Variants in SPATA1 observed in about 807,000 individuals in gnomAD.
SPATA1 encodes the protein spermatogenesis associated 1, also known as spermatogenesis-associated protein 1.
A neutral mutation model predicts 59.6 loss-of-function variants in SPATA1; 57 were observed. The ratio of observed to expected loss-of-function variants is 0.96; its 90% CI spans 0.77 to 1.19. SPATA1 has a LOEUF of 1.19. Among genes scored for constraint, SPATA1 ranks in the 50% most tolerant of loss-of-function variants. The probability of loss-of-function intolerance (pLI) is 0.00; values close to 1 mark genes in which losing one functional copy is unlikely to be tolerated. For missense variants in SPATA1, 448 were observed against 480.7 expected (o/e 0.93, Z 0.64); for synonymous variants, 147 against 163.9 (o/e 0.90, Z 0.79).
chr1:84,523,879 C>T (rs557342612), intron 4 of SPATA1, among the ~76,000 whole-genome samples: 5 of 152,032 alleles, frequency 3.3e-5, no homozygotes, highest in African/African-American at 1.2e-4. Context: ...TTGGAAGGGA[C>T]TTTCTAAGTA....
chr1:84,544,621 C>T (rs760542962), intron 9 of SPATA1, among the ~76,000 whole-genome samples: 2 of 151,852 alleles, frequency 1.3e-5, no homozygotes, highest in African/African-American at 2.4e-5. Context: ...AGTGCAGTGG[C>T]GTGATCTCAG....
intron 8 of SPATA1, among the ~76,000 whole-genome samples, chr1:84,535,101 T>G (rs1363356000): frequency 6.6e-6 from 1 of 152,166 alleles, no homozygotes; most frequent in Non-Finnish European, 1.5e-5. Context: ...TCCTACACCA[T>G]TTGTTAAGAC....
At chr1:84,533,629 A>G (rs1454775741) in intron 7 of SPATA1, 80 bp from the exon 8 acceptor site, 1 of 1,161,480 alleles carries the variant, frequency 8.6e-7, no homozygotes, top group South Asian at 1.4e-5. Flanking sequence ...CAGAGCATCA[A>G]ATAAAATACA....
At chr1:84,558,445 A>G (rs558536479), downstream of SPATA1, among the ~76,000 whole-genome samples, 212 of 151,076 alleles carry the variant, frequency 1.4e-3, 3 homozygotes, top group East Asian at 0.02. Flanking sequence ...GCCCGCCACT[A>G]CGCCCGGCTA....
chr1:84,508,293 A>T (rs1310462257), intron 1 of SPATA1, among the ~76,000 whole-genome samples: 1 of 152,028 alleles, frequency 6.6e-6, no homozygotes, highest in Non-Finnish European at 1.5e-5. Context: ...AAAAAAAAAA[A>T]AACAAAACCA....
chr1:84,509,390 C>G (rs1210243904), intron 1 of SPATA1, among the ~76,000 whole-genome samples: 1 of 152,232 alleles, frequency 6.6e-6, no homozygotes, highest in Non-Finnish European at 1.5e-5. Flanking sequence ...AGCTAGATGT[C>G]TCTCTCCTCG....
intron 1 of SPATA1, among the ~76,000 whole-genome samples, chr1:84,513,842 A>ATT (rs60377217): frequency 0.027 from 3,432 of 124,936 alleles, 156 homozygotes; most frequent in African/African-American, 0.048. Flanking sequence ...TCTATATTCT[A>ATT]TTTTTTTTTT....
At chr1:84,519,085 G>T (rs1266172389) in intron 2 of SPATA1, among the ~76,000 whole-genome samples, 7 of 151,796 alleles carry the variant, frequency 4.6e-5, no homozygotes, top group African/African-American at 1.2e-4. Flanking sequence ...AATTTAAGGG[G>T]CTACCAAAAA....
exon 13 of SPATA1, chr1:84,553,696 CTG>C (rs1297295300): frequency 6.6e-6 from 1 of 152,074 alleles, no homozygotes; most frequent in Non-Finnish European, 1.5e-5. Flanking sequence ...GGTTTTTACT[CTG>C]TCACAAACAA....
At chr1:84,507,855 GAA>G (rs34765124) in intron 1 of SPATA1, among the ~76,000 whole-genome samples, 9 of 149,740 alleles carry the variant, frequency 6.0e-5, no homozygotes, top group Admixed American at 5.3e-4. Flanking sequence ...AACAGTTTCA[GAA>G]AAAAAAAAAA....
At chr1:84,518,194 C>T (rs140750463) in intron 2 of SPATA1, among the ~76,000 whole-genome samples, 85 of 152,224 alleles carry the variant, frequency 5.6e-4, no homozygotes, top group Non-Finnish European at 9.3e-4. Flanking sequence ...GGTTTGGGAA[C>T]TCTTCAAGAT....
chr1:84,558,724 G>A (rs1162206136), downstream of SPATA1, among the ~76,000 whole-genome samples: 2 of 151,554 alleles, frequency 1.3e-5, no homozygotes, highest in Non-Finnish European at 2.9e-5. Context: ...AATATAGAAA[G>A]ACCCCGTCTC....
chr1:84,520,663 A>G, exon 3 of SPATA1: 1 of 1,571,844 alleles, frequency 6.4e-7, no homozygotes, highest in Non-Finnish European at 8.6e-7. Context: ...AGAAGTTGTT[A>G]ACAAATTCAT....
In SPATA1 at chr1:84,546,902, G is replaced by A. The variant is rs1437437475; in HGVS notation, c.946+1143G>A. On this transcript the variant is annotated intron_variant, in intron 10 of 12. Coordinates refer to ENST00000490879, the Ensembl canonical transcript of SPATA1. ...ACAGTGTTGTTAGGACTGGTGGACTGATGAGGCAGGATGAAGACAGTACAT... is the reference window on the plus strand; with the variant it reads ...ACAGTGTTGTTAGGACTGGTGGACTAATGAGGCAGGATGAAGACAGTACAT... Among the ~76,000 whole-genome samples the A allele has an allele frequency of 2.0e-5, 3 of 152,200 alleles. No homozygotes were observed. In the East Asian group the frequency reaches 5.8e-4, roughly 29 times the overall value.
At chr1:84,552,662 GTTTT>G (rs746536674) in intron 12 of SPATA1, 1 of 163,000 alleles carries the variant, frequency 6.1e-6, no homozygotes, top group Non-Finnish European at 1.3e-5. Flanking sequence ...GGAATTAAGG[GTTTT>G]TTTTGTATTT....
exon 13 of SPATA1, chr1:84,553,718 T>A (rs540819156): frequency 1.3e-5 from 2 of 152,148 alleles, no homozygotes; most frequent in African/African-American, 4.8e-5. Flanking sequence ...ATTGTGTAAA[T>A]AGGAAATGTA....
intron 4 of SPATA1, among the ~76,000 whole-genome samples, chr1:84,559,628 A>G (rs1287924145): frequency 6.6e-6 from 1 of 152,046 alleles, no homozygotes; most frequent in East Asian, 1.9e-4. Context: ...TCTCAGAAAA[A>G]AAAGACTTAA....
At chr1:84,551,315 A>C (rs1207163052) in intron 12 of SPATA1, 2 of 961,666 alleles carry the variant, frequency 2.1e-6, no homozygotes, top group African/African-American at 1.8e-5. Context: ...CTTTTTAAAA[A>C]AATTTTAAAA....
At chr1:84,556,956 A>AG (rs919767174), downstream of SPATA1, among the ~76,000 whole-genome samples, 2 of 152,210 alleles carry the variant, frequency 1.3e-5, no homozygotes, top group African/African-American at 4.8e-5. Flanking sequence ...TTGAAGATTC[A>AG]GGGGCAAACC....
Sources: gnomAD v4.1 joint callset for allele counts (sites outside exome capture counted in the v4.1 genomes callset) on GRCh38, gnomAD v4.1.1 for gene constraint, MANE v1.5 for transcripts, NCBI Gene and HGNC (gene_info 2026-07-23, HGNC 2026-07-21) for gene names.